Variants in MPPED1 observed in about 807,000 individuals in gnomAD.
The protein encoded by MPPED1 is metallophosphoesterase domain containing 1, also known as metallophosphoesterase domain-containing protein 1.
MPPED1 carries 16 observed loss-of-function variants against 36.2 expected under a neutral mutation model. That is an observed-to-expected ratio of 0.44 (90% CI 0.30 to 0.67). The LOEUF (loss-of-function observed/expected upper bound fraction) is 0.67. Among genes scored for constraint, MPPED1 ranks in the 30% least tolerant of loss-of-function variants. The probability of loss-of-function intolerance (pLI) is 0.10; values close to 1 mark genes in which losing one functional copy is unlikely to be tolerated. For synonymous variants in MPPED1, 199 were observed against 191.3 expected, an observed-to-expected ratio of 1.04 and a Z score of -0.33; for missense variants, 307 against 453.4, an observed-to-expected ratio of 0.68 and a Z score of 2.93.
intron 1 of MPPED1, 115 bp downstream of exon 1, chr22:43,412,273 C>G: frequency 1.5e-6 from 1 of 657,858 alleles, no homozygotes; most frequent in African/African-American, 2.0e-5. Flanking sequence ...CAGGGGCGCC[C>G]GCAAAGTTAC....
chr22:43,497,354 G>T (rs1179163200), intron 4 of MPPED1, among the ~76,000 whole-genome samples: 2 of 152,004 alleles, frequency 1.3e-5, no homozygotes, highest in East Asian at 3.8e-4. Context: ...CTTTGTGTTG[G>T]CCCGTATAAT....
At chr22:43,448,809 G>A (rs1930455445) in intron 3 of MPPED1, among the ~76,000 whole-genome samples, 1 of 152,016 alleles carries the variant, frequency 6.6e-6, no homozygotes, top group Non-Finnish European at 1.5e-5. Flanking sequence ...CACCATGTTG[G>A]CCAAGCTGGT....
chr22:43,496,463 ATGG>A (rs1237482524), intron 4 of MPPED1, among the ~76,000 whole-genome samples: 1 of 1,894 alleles, frequency 5.3e-4, no homozygotes. Flanking sequence ...GGTGGTGGAG[ATGG>A]TGGTGGTGGT....
intron 3 of MPPED1, among the ~76,000 whole-genome samples, chr22:43,466,229 A>G (rs2146874794): frequency 6.6e-6 from 1 of 152,348 alleles, no homozygotes; most frequent in East Asian, 1.9e-4. Context: ...TTTTGAATCC[A>G]GCAGCCTCCC....
rs117763525 is a variant in MPPED1, at chr22:43,456,967, A to G, written c.407-17769A>G. Reference sequence around the variant, plus strand: ...GTTCAATCCCATTTGGTGATGGTGTATAATACCTTTTTATATGGTGTCTAA... The same window carrying G: ...GTTCAATCCCATTTGGTGATGGTGTGTAATACCTTTTTATATGGTGTCTAA... On this transcript the variant is annotated intron_variant, in intron 3 of 6. Transcript: ENST00000443721. 5.3e-4 allele frequency among the ~76,000 whole-genome samples: 80 copies of G among 152,308 alleles called. 1 individual carries two copies. The East Asian group carries it at 0.015, about 28-fold the overall frequency.
At chr22:43,423,884 G>A (rs981390956) in intron 1 of MPPED1, among the ~76,000 whole-genome samples, 7 of 152,180 alleles carry the variant, frequency 4.6e-5, no homozygotes, top group African/African-American at 1.7e-4. Flanking sequence ...AGTCTTCAAG[G>A]CATTTCCCAT....
At chr22:43,417,234 T>C (rs1929106153) in intron 1 of MPPED1, among the ~76,000 whole-genome samples, 1 of 152,226 alleles carries the variant, frequency 6.6e-6, no homozygotes, top group Non-Finnish European at 1.5e-5. Flanking sequence ...ATTTTCACTT[T>C]ATTTGTGGAT....
At chr22:43,422,853 C>T (rs1037664393) in intron 1 of MPPED1, among the ~76,000 whole-genome samples, 1 of 152,106 alleles carries the variant, frequency 6.6e-6, no homozygotes, top group Non-Finnish European at 1.5e-5. Context: ...CAAATCTTTT[C>T]TTTCTTTTTT....
chr22:43,479,917 C>T lies in MPPED1; in HGVS notation c.632+4956C>T, dbSNP rs549529753. On this transcript the variant is annotated intron_variant, in intron 4 of 6. Transcript: ENST00000443721. The stretch of plus-strand genomic sequence containing the variant: ...TTGCTCTGTCACCCTAGCTGGAGTA[C>T]AGTGGTACAGTCACAGCTCACTGCG... 9.9e-5 allele frequency among the ~76,000 whole-genome samples: 15 copies of T among 152,282 alleles called. No homozygotes were observed. In the South Asian group the frequency reaches 3.1e-3, roughly 32 times the overall value.
At chr22:43,440,990 C>T (rs1930130163) in intron 3 of MPPED1, among the ~76,000 whole-genome samples, 1 of 152,100 alleles carries the variant, frequency 6.6e-6, no homozygotes, top group South Asian at 2.1e-4. Flanking sequence ...CCTTAGGCCT[C>T]TCACCCACCT....
At chr22:43,504,786 GA>G (rs1323647009) in intron 6 of MPPED1, among the ~76,000 whole-genome samples, 1 of 151,446 alleles carries the variant, frequency 6.6e-6, no homozygotes, top group Non-Finnish European at 1.5e-5. Flanking sequence ...CATTGGTTAT[GA>G]TGATGTTGAT....
intron 2 of MPPED1, among the ~76,000 whole-genome samples, chr22:43,428,530 A>G (rs1244358787): frequency 1.3e-5 from 2 of 152,174 alleles, no homozygotes; most frequent in African/African-American, 2.4e-5. Flanking sequence ...GCTCCCTCCC[A>G]GGAGCGGTGG....
intron 4 of MPPED1, among the ~76,000 whole-genome samples, chr22:43,489,161 TG>T (rs1932007713): frequency 6.6e-6 from 1 of 152,130 alleles, no homozygotes; most frequent in African/African-American, 2.4e-5. Flanking sequence ...CAGGTCTCAC[TG>T]GACATGGAGA....
chr22:43,505,614 T>TGACTGCTCCC lies in MPPED1; in HGVS notation c.980_*8dup. Reference sequence around the variant, plus strand: ...CGACCTCCCCACACCCCGGAACTCCTGACTGCTCCCCACTGCCCCTGCCCT... The same window carrying TGACTGCTCCC: ...CGACCTCCCCACACCCCGGAACTCCTGACTGCTCCCGACTGCTCCCCACTGCCCCTGCCCT... On this transcript the variant is annotated frameshift_variant and stop_retained_variant, in exon 7 of 7. Transcript: ENST00000443721. LOFTEE classifies it high-confidence loss of function. The TGACTGCTCCC allele has an allele frequency of 6.2e-7, 1 of 1,607,128 alleles. No individual in the cohort carries two copies. Among genetic ancestry groups the TGACTGCTCCC allele is most frequent in the Non-Finnish European group, 8.5e-7 (1 of 1,176,878 alleles).
At chr22:43,458,374 C>A (rs1930828044) in intron 3 of MPPED1, among the ~76,000 whole-genome samples, 1 of 151,572 alleles carries the variant, frequency 6.6e-6, no homozygotes, top group African/African-American at 2.4e-5. Flanking sequence ...CAACCTCTGA[C>A]CCCCTGGTTC....
chr22:43,485,656 A>C (rs920800228), intron 4 of MPPED1, among the ~76,000 whole-genome samples: 1 of 152,212 alleles, frequency 6.6e-6, no homozygotes, highest in African/African-American at 2.4e-5. Context: ...CCTTTCTAGA[A>C]GGCCCCTCAA....
At chr22:43,449,851 A>C (rs1930501190) in intron 3 of MPPED1, among the ~76,000 whole-genome samples, 1 of 147,994 alleles carries the variant, frequency 6.8e-6, no homozygotes, top group African/African-American at 2.5e-5. Flanking sequence ...GAACAAGATA[A>C]TGCAGGTGAA....
intron 4 of MPPED1, among the ~76,000 whole-genome samples, chr22:43,478,616 AG>A (rs75422200): frequency 0.35 from 53,183 of 151,920 alleles, 9,615 homozygotes; most frequent in East Asian, 0.58. Context: ...GAGACTTGAG[AG>A]GGCCTGGGGC....
chr22:43,466,249 C>A (rs79505222), intron 3 of MPPED1, among the ~76,000 whole-genome samples: 9 of 152,284 alleles, frequency 5.9e-5, no homozygotes, highest in African/African-American at 1.9e-4. Context: ...CATGAGGACC[C>A]GTGGAGGCTG....
Sources: allele counts gnomAD v4.1 joint callset (sites outside exome capture counted in the v4.1 genomes callset), GRCh38; gene constraint gnomAD v4.1.1; transcripts MANE v1.5; gene names NCBI Gene and HGNC (gene_info 2026-07-23, HGNC 2026-07-21).